Variants in MITF observed in about 807,000 individuals in gnomAD.
The protein encoded by MITF is microphthalmia-associated transcription factor.
A neutral mutation model predicts 60.5 loss-of-function variants in MITF; 17 were observed. The ratio of observed to expected loss-of-function variants is 0.28; its 90% CI spans 0.19 to 0.42. MITF has a LOEUF of 0.42. MITF is among the 10% of genes least tolerant of loss of function. MITF has a pLI of 1.00. For missense variants in MITF, 622 were observed against 683.5 expected (o/e 0.91, Z 1.00); for synonymous variants, 260 against 248.5 (o/e 1.05, Z -0.43).
intron 1 of MITF, chr3:69,758,693 C>T: frequency 4.9e-6 from 1 of 203,692 alleles, no homozygotes; most frequent in Non-Finnish European, 1.0e-5. Context: ...AGAGTGTGTC[C>T]AATAATGTTT....
At chr3:69,826,345 A>T (rs1471966403) in intron 1 of MITF, among the ~76,000 whole-genome samples, 1 of 152,162 alleles carries the variant, frequency 6.6e-6, no homozygotes, top group Non-Finnish European at 1.5e-5. Context: ...TTTGTTCATG[A>T]TTATGTTTGG....
At chr3:69,810,640 C>T (rs2063086398) in intron 1 of MITF, among the ~76,000 whole-genome samples, 1 of 152,126 alleles carries the variant, frequency 6.6e-6, no homozygotes, top group Non-Finnish European at 1.5e-5. Context: ...TTTAAGTCTA[C>T]TAGTCTTAGC....
At chr3:69,899,438 A>G (rs1407977572) in intron 2 of MITF, among the ~76,000 whole-genome samples, 1 of 152,176 alleles carries the variant, frequency 6.6e-6, no homozygotes, top group Non-Finnish European at 1.5e-5. Flanking sequence ...ATGGAAAGGC[A>G]TGGGAAGCCA....
rs138406454 is a variant in MITF at position 69,866,774 on chromosome 3, C to T, written c.105-12360C>T. Among the ~76,000 whole-genome samples the T allele has an allele frequency of 3.5e-3, 532 of 151,276 alleles. 5 individuals carry two copies. The highest frequency in any genetic ancestry group is 0.012 in the African/African-American group (494 of 41,286). ...AACTGTGTGTTTAATACAGTAGTAA[C>T]ATTTGTCCAAACTCTCCCATTGTAA... is the stretch of plus-strand genomic sequence containing the variant. On this transcript the variant is annotated intron_variant, in intron 1 of 9. Transcript: ENST00000352241.
intron 1 of MITF, among the ~76,000 whole-genome samples, chr3:69,759,727 G>A (rs964930110): frequency 6.6e-6 from 1 of 152,158 alleles, no homozygotes. Context: ...CTGCTCAGAT[G>A]TTGTGGATTA....
chr3:69,864,264 C>A (rs188335872), intron 1 of MITF, among the ~76,000 whole-genome samples: 1 of 152,180 alleles, frequency 6.6e-6, no homozygotes, highest in East Asian at 1.9e-4. Context: ...ACGTCAGAAT[C>A]TATGTTCTTG....
intron 2 of MITF, among the ~76,000 whole-genome samples, chr3:69,920,848 G>A (rs1395369552): frequency 6.6e-6 from 1 of 152,048 alleles, no homozygotes; most frequent in Non-Finnish European, 1.5e-5. Flanking sequence ...CACTGCACAC[G>A]GGGAGAGACC....
At chr3:69,888,466 G>A (rs943553285) in intron 2 of MITF, among the ~76,000 whole-genome samples, 3 of 147,836 alleles carry the variant, frequency 2.0e-5, no homozygotes, top group African/African-American at 7.5e-5. Context: ...TCTGGCTGTG[G>A]AGATCGGTGC....
chr3:69,892,370 C>A (rs1471662308), intron 2 of MITF, among the ~76,000 whole-genome samples: 1 of 152,214 alleles, frequency 6.6e-6, no homozygotes, highest in Non-Finnish European at 1.5e-5. Context: ...CCTGCCCATG[C>A]ATATTCACAG....
In MITF at chr3:69,959,349, C is replaced by G. The variant is rs372113245; in HGVS notation, c.1108C>G (p.Arg370Gly). ...CCGAAAGTTGCAACGAGAACAGCAA[C>G]GCGCAAAAGAACTTGAAAACCGACA... ...YIRKLQREQQ[R>G]AKELENRQKK... Residue 370 changes from arginine (R) to glycine (G), a missense_variant, in exon 9 of 10, where the codon CGC becomes GGC. Physicochemically the swap from Arg to Gly is moderately radical, Grantham distance 125. Around this residue, in one of 5 missense-constraint regions of MITF, gnomAD observed 224 missense variants for 209.5 expected, o/e 1.07. Coordinates refer to ENST00000352241, the MANE Select transcript of MITF (RefSeq NM_001354604.2). 6.2e-6 allele frequency: 10 copies of G among 1,613,858 alleles called. No homozygotes were observed. The highest frequency in any genetic ancestry group is 7.6e-6 in the Non-Finnish European group (9 of 1,179,960).
chr3:69,794,024 AC>A (rs2062787803), intron 1 of MITF, among the ~76,000 whole-genome samples: 1 of 152,146 alleles, frequency 6.6e-6, no homozygotes, highest in South Asian at 2.1e-4. Flanking sequence ...CCATTGTCCC[AC>A]CCATGTCACC....
At chr3:69,807,707 G>A (rs1347474154) in intron 1 of MITF, among the ~76,000 whole-genome samples, 3 of 152,166 alleles carry the variant, frequency 2.0e-5, no homozygotes, top group Admixed American at 6.5e-5. Flanking sequence ...GGGTCAAAAT[G>A]TTCTTTAAAC....
chr3:69,803,871 G>A (rs1465569080), intron 1 of MITF, among the ~76,000 whole-genome samples: 1 of 151,692 alleles, frequency 6.6e-6, no homozygotes, highest in Non-Finnish European at 1.5e-5. Context: ...GTGAGGAAGA[G>A]GTAAACAGTT....
intron 2 of MITF, among the ~76,000 whole-genome samples, chr3:69,916,576 C>G (rs2065340206): frequency 6.6e-6 from 1 of 152,096 alleles, no homozygotes; most frequent in South Asian, 2.1e-4. Flanking sequence ...TGTAGGCAAG[C>G]TATGTTTGTT....
intron 1 of MITF, among the ~76,000 whole-genome samples, chr3:69,820,843 A>G (rs1469661885): frequency 6.6e-6 from 1 of 152,228 alleles, no homozygotes; most frequent in Non-Finnish European, 1.5e-5. Context: ...AAGTGTCAAC[A>G]TAGAAATAGA....
At chr3:69,741,907 C>T (rs1175355073) in intron 1 of MITF, among the ~76,000 whole-genome samples, 1 of 152,150 alleles carries the variant, frequency 6.6e-6, no homozygotes, top group Non-Finnish European at 1.5e-5. Context: ...GCTGGGGCAC[C>T]TCACTTCTTA....
chr3:69,939,188 A>C lies in MITF; in HGVS notation c.666+7A>C, dbSNP rs761579813. The C allele has an allele frequency of 1.2e-6, 2 of 1,613,188 alleles. No individual in the cohort carries two copies. The highest frequency in any genetic ancestry group is 1.7e-6 in the Non-Finnish European group (2 of 1,179,278). On this transcript the variant is annotated splice_region_variant and intron_variant, in intron 4 of 9. Coordinates refer to ENST00000352241, the MANE Select transcript of MITF (RefSeq NM_001354604.2). ...ACGAGCGTCCTGTATGCAGGTACTG[A>C]ATGACTTGGCAGCCTGAGGATGAAC... is the stretch of plus-strand genomic sequence containing the variant.
chr3:69,959,557 G>A, intron 9 of MITF, 137 bp downstream of exon 9: 1 of 1,190,444 alleles, frequency 8.4e-7, no homozygotes, highest in South Asian at 1.3e-5. Context: ...TGGATTCTGT[G>A]TGTGTGAATT....
At chr3:69,777,425 T>G (rs1461129744) in intron 1 of MITF, among the ~76,000 whole-genome samples, 2 of 152,220 alleles carry the variant, frequency 1.3e-5, no homozygotes, top group Non-Finnish European at 2.9e-5. Flanking sequence ...TTGCAATATA[T>G]CTTTAAGTTC....
Sources: allele counts gnomAD v4.1 joint callset (sites outside exome capture counted in the v4.1 genomes callset), GRCh38; gene constraint gnomAD v4.1.1; regional missense constraint gnomAD v4.1.1; transcripts MANE v1.5; gene names NCBI Gene and HGNC (gene_info 2026-07-23, HGNC 2026-07-21).